CWH43: variants seen among roughly 807,000 people sequenced by gnomAD.
CWH43 encodes PGAP2-interacting protein.
In CWH43, 91 loss-of-function variants were observed where a neutral mutation model predicts 85.7. The observed-to-expected ratio is 1.06, with a 90% CI of 0.90 to 1.26. The LOEUF (loss-of-function observed/expected upper bound fraction) is 1.26, where lower values mean the gene tolerates loss of function less well. CWH43 is among the 50% of genes most tolerant of loss of function. The pLI is 0.00. For synonymous variants in CWH43, 323 were observed against 293.6 expected, an observed-to-expected ratio of 1.10 and a Z score of -1.02; for missense variants, 869 against 839.2, an observed-to-expected ratio of 1.04 and a Z score of -0.44.
chr4:49,020,111 G>A (rs1345239642), intron 9 of CWH43, among the ~76,000 whole-genome samples: 1 of 152,012 alleles, frequency 6.6e-6, no homozygotes, highest in Non-Finnish European at 1.5e-5. Context: ...GTCATCACCT[G>A]AGCAGTTTAA....
intron 3 of CWH43, 65 bp downstream of exon 3, chr4:48,991,639 G>A: frequency 1.9e-6 from 3 of 1,567,502 alleles, no homozygotes; most frequent in Non-Finnish European, 2.6e-6. Flanking sequence ...GGGAAACCTG[G>A]GGCCAGGAGT....
In CWH43 at chr4:49,000,859, A is replaced by G. The variant is rs138647365; in HGVS notation, c.802+2311A>G. Among the ~76,000 whole-genome samples, 84 of 152,294 alleles carry G rather than the reference A, an allele frequency of 5.5e-4. 1 individual carries two copies. The highest frequency in any genetic ancestry group is 8.2e-4 in the Non-Finnish European group (56 of 68,022). The stretch of plus-strand genomic sequence containing the variant: ...TAAAGACTCTAAGAAAAGCAGATTT[A>G]AGGCTTCTAGAAGGCTGCTTGCAGT... On this transcript the variant is annotated intron_variant, in intron 6 of 15. Transcript: ENST00000226432.
At chr4:49,036,831 G>A (rs1404229121) in intron 12 of CWH43, among the ~76,000 whole-genome samples, 2 of 152,122 alleles carry the variant, frequency 1.3e-5, no homozygotes, top group African/African-American at 4.8e-5. Flanking sequence ...GTCTCTGGGA[G>A]GAGCTGAGTC....
At chr4:49,018,041 T>C (rs906188111) in intron 9 of CWH43, among the ~76,000 whole-genome samples, 1 of 151,648 alleles carries the variant, frequency 6.6e-6, no homozygotes, top group African/African-American at 2.4e-5. Flanking sequence ...GGTTTCACCA[T>C]GTTGGCCAGG....
intron 8 of CWH43, among the ~76,000 whole-genome samples, chr4:49,013,137 G>C (rs1301544943): frequency 6.6e-6 from 1 of 152,232 alleles, no homozygotes; most frequent in Non-Finnish European, 1.5e-5. Context: ...CTGAGCTGTG[G>C]TGGGCTCCAC....
At chr4:49,035,939 A>G (rs1243944779) in intron 12 of CWH43, among the ~76,000 whole-genome samples, 1 of 152,160 alleles carries the variant, frequency 6.6e-6, no homozygotes, top group Non-Finnish European at 1.5e-5. Flanking sequence ...TTCCCTGCAG[A>G]CCTAATGAAA....
At chr4:49,048,782 G>A (rs1784709357) in intron 14 of CWH43, among the ~76,000 whole-genome samples, 1 of 152,022 alleles carries the variant, frequency 6.6e-6, no homozygotes, top group African/African-American at 2.4e-5. Flanking sequence ...GCCACACTGG[G>A]GGTTAGAGCT....
At chr4:49,017,990 C>T (rs1338905509) in intron 9 of CWH43, among the ~76,000 whole-genome samples, 1 of 151,998 alleles carries the variant, frequency 6.6e-6, no homozygotes, top group Non-Finnish European at 1.5e-5. Context: ...GGTGTGCCAC[C>T]ATGCCCGGCT....
intron 13 of CWH43, 66 bp from the exon 14 acceptor site, chr4:49,044,720 T>C: frequency 8.2e-7 from 1 of 1,220,174 alleles, no homozygotes; most frequent in East Asian, 2.3e-5. Flanking sequence ...TCACACATTT[T>C]TTGGCAATGT....
chr4:48,988,404 G>A (rs564160870), intron 1 of CWH43, 73 bp from the exon 2 acceptor site: 107 of 1,215,188 alleles, frequency 8.8e-5, no homozygotes, highest in Non-Finnish European at 1.2e-4. Flanking sequence ...CGGCTGGAGT[G>A]GAGGGACAGG....
chr4:49,011,643 T>G (rs1783364153), intron 8 of CWH43, among the ~76,000 whole-genome samples: 1 of 152,204 alleles, frequency 6.6e-6, no homozygotes, highest in Non-Finnish European at 1.5e-5. Flanking sequence ...CCATGTTTAG[T>G]GCTTCCTTCA....
At chr4:49,025,649 A>C (rs1226192556) in intron 9 of CWH43, among the ~76,000 whole-genome samples, 3 of 152,200 alleles carry the variant, frequency 2.0e-5, no homozygotes, top group Non-Finnish European at 4.4e-5. Flanking sequence ...CAGCAGAGCT[A>C]CTGGGCTCTG....
chr4:49,048,407 A>T (rs1309886191), intron 14 of CWH43, among the ~76,000 whole-genome samples: 3 of 151,194 alleles, frequency 2.0e-5, no homozygotes, highest in Non-Finnish European at 4.4e-5. Flanking sequence ...TATATATATA[A>T]AATATGATAT....
At chr4:48,991,371 C>G (rs1782649078) in intron 2 of CWH43, 83 bp from the exon 3 acceptor site, 1 of 1,437,568 alleles carries the variant, frequency 7.0e-7, no homozygotes, top group Non-Finnish European at 9.6e-7. Context: ...AAGATGGTAT[C>G]AGATAACATG....
At chr4:49,009,947 T>C (rs1277538965) in intron 8 of CWH43, among the ~76,000 whole-genome samples, 1 of 152,192 alleles carries the variant, frequency 6.6e-6, no homozygotes. Context: ...CTTTTTTTGT[T>C]GTGTCTCTGC....
chr4:48,999,866 A>G (rs1168898849), intron 6 of CWH43, among the ~76,000 whole-genome samples: 1 of 152,072 alleles, frequency 6.6e-6, no homozygotes, highest in East Asian at 1.9e-4. Flanking sequence ...CTTCCCAGTT[A>G]CACCCTTTAG....
chr4:49,046,362 A>G (rs1784622701), intron 14 of CWH43, among the ~76,000 whole-genome samples: 1 of 151,806 alleles, frequency 6.6e-6, no homozygotes, highest in South Asian at 2.1e-4. Context: ...TGTTTACTAA[A>G]TCCTCTTTAT....
intron 12 of CWH43, 77 bp downstream of exon 12, chr4:49,032,792 A>T (rs777550004): frequency 1.6e-5 from 25 of 1,529,782 alleles, no homozygotes; most frequent in Non-Finnish European, 2.2e-5. Flanking sequence ...TTTCTATGAA[A>T]TCACCTTTCT....
At chr4:49,016,860 C>G in intron 8 of CWH43, 3 of 783,020 alleles carry the variant, frequency 3.8e-6, no homozygotes, top group Non-Finnish European at 7.1e-6. Context: ...AAAGACATGC[C>G]TTCTCTCCGA....
Sources: gnomAD v4.1 joint callset for allele counts (sites outside exome capture counted in the v4.1 genomes callset) on GRCh38, gnomAD v4.1.1 for gene constraint, MANE v1.5 for transcripts, NCBI Gene and HGNC (gene_info 2026-07-23, HGNC 2026-07-21) for gene names.